The following AIMP2 variants were observed in gnomAD, a reference collection of about 807,000 sequenced individuals.
AIMP2 encodes aminoacyl tRNA synthase complex-interacting multifunctional protein 2.
AIMP2 carries 20 observed loss-of-function variants against 23.4 expected under a neutral mutation model. That is an observed-to-expected ratio of 0.85 (90% CI 0.60 to 1.24). The LOEUF is 1.24. Ranked by LOEUF, AIMP2 falls within the 50% of genes most tolerant of loss-of-function variation. AIMP2 has a pLI of 0.00. For missense variants in AIMP2, 515 were observed against 414.5 expected (o/e 1.24, Z -2.10); for synonymous variants, 210 against 170.4 (o/e 1.23, Z -1.81).
Position 6,015,243 on chromosome 7 carries a change from A to C in AIMP2, c.233A>C (p.Lys78Thr). The change falls in exon 2 of 4, where the codon AAG (lysine) becomes ACG (threonine). Residue 78 changes from lysine (K) to threonine (T), a missense_variant. Coordinates refer to ENST00000223029, the MANE Select transcript of AIMP2 (RefSeq NM_006303.4). ...ELKAAVDGLS[K>T]MIQTPDADLD... ...AAAGCTGCAGTTGATGGCCTCTCCA[A>C]GATGATTCAAACACCAGATGCAGAC... 6.2e-7 allele frequency: 1 copy of C among 1,614,208 alleles called. No homozygotes were observed. Among genetic ancestry groups the C allele is most frequent in the Non-Finnish European group, 8.5e-7 (1 of 1,180,044 alleles).
At chr7:6,021,451 G>A (rs574399692) in intron 3 of AIMP2, among the ~76,000 whole-genome samples, 47 of 152,168 alleles carry the variant, frequency 3.1e-4, no homozygotes, top group African/African-American at 1.1e-3. Flanking sequence ...AGCCATCATG[G>A]TGAAACAGTA....
At chr7:6,012,061 T>C (rs1176443873) in intron 1 of AIMP2, among the ~76,000 whole-genome samples, 1 of 152,092 alleles carries the variant, frequency 6.6e-6, no homozygotes, top group Non-Finnish European at 1.5e-5. Context: ...AAAACCAATC[T>C]GGGCAACATG....
intron 1 of AIMP2, among the ~76,000 whole-genome samples, chr7:6,012,221 C>G (rs1426155371): frequency 6.6e-6 from 1 of 150,590 alleles, no homozygotes; most frequent in Non-Finnish European, 1.5e-5. Context: ...CCACTGGACT[C>G]CAGCATGGGC....
In AIMP2 at chr7:6,020,966, GT is replaced by G. The variant is rs544905421; in HGVS notation, c.575-2335del. On this transcript the variant is annotated intron_variant, in intron 3 of 3. Coordinates refer to ENST00000223029, the MANE Select transcript of AIMP2 (RefSeq NM_006303.4). ...GATAAACACAGCTGCTGATCTTTTG[GT>G]TGTACAACGTCTGGACAAGAACGCT... is the stretch of plus-strand genomic sequence containing the variant. Among the ~76,000 whole-genome samples the G allele has an allele frequency of 1.5e-4, 23 of 152,296 alleles. No homozygotes were observed. In the East Asian group the frequency reaches 4.4e-3, roughly 29 times the overall value.
chr7:6,016,432 T>C (rs1178552879), intron 2 of AIMP2, among the ~76,000 whole-genome samples: 1 of 152,174 alleles, frequency 6.6e-6, no homozygotes, highest in Non-Finnish European at 1.5e-5. Flanking sequence ...GCTGGGATAT[T>C]TGGTAACCTC....
chr7:6,012,788 G>A, intron 1 of AIMP2: 1 of 1,011,090 alleles, frequency 9.9e-7, no homozygotes, highest in Non-Finnish European at 1.2e-6. Flanking sequence ...CTGACCTCAA[G>A]TGATCCACCC....
At chr7:6,009,972 A>ATATAT (rs1294560607) in intron 1 of AIMP2, among the ~76,000 whole-genome samples, 2 of 32,678 alleles carry the variant, frequency 6.1e-5, no homozygotes, top group African/African-American at 1.1e-4. Flanking sequence ...AAAAAAAAAA[A>ATATAT]AAATATATAT....
rs2128878010 is a variant in AIMP2, at chr7:6,015,173, CTT to C, written c.164_165del (p.Leu55ArgfsTer6). On this transcript the variant is annotated frameshift_variant, in exon 2 of 4. Coordinates refer to ENST00000223029, the MANE Select transcript of AIMP2 (RefSeq NM_006303.4). LOFTEE classifies it high-confidence loss of function. ...QEESNLSLQA[L>X]ESRQDDILKR... ...AGAGTCTAACCTGTCTCTGCAAGCT[CTT>C]GAGTCCCGCCAAGATGATATTTTAA... is the stretch of plus-strand genomic sequence containing the variant. 1.2e-6 allele frequency: 2 copies of C among 1,614,130 alleles called. No individual in the cohort carries two copies. Among genetic ancestry groups the C allele is most frequent in the Non-Finnish European group, 1.7e-6 (2 of 1,180,018 alleles).
chr7:6,023,038 G>GTA, intron 3 of AIMP2: 10 of 391,792 alleles, frequency 2.6e-5, no homozygotes, highest in South Asian at 1.8e-4. Context: ...TGGAGCAGGT[G>GTA]GTCTGAGGTC....
At chr7:6,014,102 T>A (rs1482659007) in intron 1 of AIMP2, among the ~76,000 whole-genome samples, 1 of 152,192 alleles carries the variant, frequency 6.6e-6, no homozygotes, top group Non-Finnish European at 1.5e-5. Context: ...TGCTACTTAT[T>A]TAAGCAAAGT....
intron 3 of AIMP2, among the ~76,000 whole-genome samples, chr7:6,021,957 A>G (rs1018065706): frequency 6.6e-6 from 1 of 151,892 alleles, no homozygotes; most frequent in Non-Finnish European, 1.5e-5. Flanking sequence ...CTCCCTTTCT[A>G]CCTCCTCCAC....
At chr7:6,010,496 C>G (rs193136443) in intron 1 of AIMP2, among the ~76,000 whole-genome samples, 1 of 151,854 alleles carries the variant, frequency 6.6e-6, no homozygotes, top group Non-Finnish European at 1.5e-5. Context: ...ATCACCCAGG[C>G]TGGAGTGCAG....
chr7:6,011,451 A>G (rs1347525659), intron 1 of AIMP2, among the ~76,000 whole-genome samples: 1 of 152,176 alleles, frequency 6.6e-6, no homozygotes, highest in Non-Finnish European at 1.5e-5. Context: ...TACCTGCTCA[A>G]GTCTTTCACT....
At chr7:6,020,569 G>GGCA (rs1375688443) in intron 3 of AIMP2, among the ~76,000 whole-genome samples, 6 of 152,208 alleles carry the variant, frequency 3.9e-5, no homozygotes, top group Non-Finnish European at 8.8e-5. Flanking sequence ...AAGCTGGAGA[G>GGCA]TTTAATGCCA....
rs1031315754 is a variant in AIMP2, at chr7:6,014,844, C to T, written c.136-302C>T. ...AAGTGGTTCTCCTGCCTCACCCTCC[C>T]GAGTAGCTGGGATTACAGTTGCGTG... On this transcript the variant is annotated intron_variant, in intron 1 of 3. Coordinates refer to ENST00000223029, the MANE Select transcript of AIMP2 (RefSeq NM_006303.4). 9.2e-5 allele frequency: 31 copies of T among 336,090 alleles called. 1 individual carries two copies. The highest frequency in any genetic ancestry group is 7.8e-4 in the South Asian group (27 of 34,662). 20.8% of individuals were successfully genotyped at this position (336,090 alleles called of 1,614,324 possible).
intron 3 of AIMP2, among the ~76,000 whole-genome samples, chr7:6,021,679 C>T (rs112661942): frequency 1.5e-3 from 223 of 152,180 alleles, no homozygotes; most frequent in African/African-American, 5.1e-3. Context: ...CAGTGCCAGA[C>T]GTTGAGGAAG....
rs766798963 is a variant in AIMP2, at chr7:6,009,424, C to G, written c.61C>G (p.Pro21Ala). ...CGGCGCGCCTCTCCGTGTGGAGCTTCCCACCTGCATGTACCGGCTCCCCAA... is the reference window on the plus strand; with the variant it reads ...CGGCGCGCCTCTCCGTGTGGAGCTTGCCACCTGCATGTACCGGCTCCCCAA... ...GGGAPLRVEL[P>A]TCMYRLPNVH... The change falls in exon 1 of 4, where the codon CCC (proline) becomes GCC (alanine). Residue 21 changes from proline to alanine, a missense_variant. Pro to Ala is a conservative substitution (Grantham distance 27). Coordinates refer to ENST00000223029, the MANE Select transcript of AIMP2 (RefSeq NM_006303.4). The G allele has an allele frequency of 6.2e-7, 1 of 1,611,486 alleles. No homozygotes were observed. The highest frequency in any genetic ancestry group is 8.5e-7 in the Non-Finnish European group (1 of 1,179,972).
intron 1 of AIMP2, among the ~76,000 whole-genome samples, chr7:6,010,451 T>G (rs866240554): frequency 0.14 from 3,880 of 27,918 alleles, 165 homozygotes; most frequent in Middle Eastern, 0.4. Context: ...GTTTTTTGTT[T>G]TTTTTTTTGT....
chr7:6,020,020 CAAAA>C (rs35319543), intron 3 of AIMP2, among the ~76,000 whole-genome samples: 1 of 80,620 alleles, frequency 1.2e-5, no homozygotes. Flanking sequence ...GACTCCATCT[CAAAA>C]AAAAAAAAAA....
Sources: gnomAD v4.1 joint callset for allele counts (sites outside exome capture counted in the v4.1 genomes callset) on GRCh38, gnomAD v4.1.1 for gene constraint, MANE v1.5 for transcripts, NCBI Gene and HGNC (gene_info 2026-07-23, HGNC 2026-07-21) for gene names.